Variants in EIF4E observed in about 807,000 individuals in gnomAD.
EIF4E encodes the protein eIF-4F 25 kDa subunit.
For missense variants in EIF4E, 113 were observed against 265.6 expected (o/e 0.43, Z 3.99); for synonymous variants, 71 against 88.5 (o/e 0.80, Z 1.11).
chr4:98,902,216 T>G (rs916183993), intron 1 of EIF4E, among the ~76,000 whole-genome samples: 1 of 152,110 alleles, frequency 6.6e-6, no homozygotes, highest in African/African-American at 2.4e-5. Context: ...GGATTACAGA[T>G]GTGTGCCACC....
intron 2 of EIF4E, among the ~76,000 whole-genome samples, chr4:98,898,301 G>C (rs1298440221): frequency 6.6e-6 from 1 of 152,132 alleles, no homozygotes; most frequent in African/African-American, 2.4e-5. Context: ...TGAAAATCCA[G>C]TTGACTTCTA....
chr4:98,882,489 A>G (rs182483005), intron 6 of EIF4E, among the ~76,000 whole-genome samples: 26 of 152,100 alleles, frequency 1.7e-4, no homozygotes, highest in African/African-American at 6.3e-4. Context: ...AAAGGAATAA[A>G]GATATTAATG....
chr4:98,911,691 A>G (rs1222165015), intron 1 of EIF4E, among the ~76,000 whole-genome samples: 1 of 146,812 alleles, frequency 6.8e-6, no homozygotes, highest in Non-Finnish European at 1.5e-5. Context: ...AAAAAAGAAG[A>G]CTTGTGGTCA....
At chr4:98,919,033 G>A (rs1432520480) in intron 1 of EIF4E, among the ~76,000 whole-genome samples, 2 of 152,132 alleles carry the variant, frequency 1.3e-5, no homozygotes, top group Non-Finnish European at 2.9e-5. Context: ...AAAAGCCTGG[G>A]TGTGGTGGCT....
In EIF4E at chr4:98,880,171, G is replaced by T. The variant is rs998300044; in HGVS notation, c.*857C>A. ...TTTTAACCAAAGCAAAATAACCTAAGTAATACAAAGTGTTAAAATACAGCA... is the reference window on the plus strand; with the variant it reads ...TTTTAACCAAAGCAAAATAACCTAATTAATACAAAGTGTTAAAATACAGCA... On this transcript the variant is annotated 3_prime_UTR_variant, in exon 7 of 7. Coordinates refer to ENST00000450253, the MANE Select transcript of EIF4E (RefSeq NM_001968.5). The T allele has an allele frequency of 9.3e-5, 14 of 151,350 alleles. No homozygotes were observed. Among genetic ancestry groups the T allele is most frequent in the African/African-American group, 2.9e-4 (12 of 41,018 alleles). 9.4% of individuals were successfully genotyped at this position (151,350 alleles called of 1,614,324 possible). A position where few individuals can be genotyped will look rare whatever the true frequency, so the allele number is the denominator to read the frequency against.
intron 5 of EIF4E, 56 bp from the exon 6 acceptor site, chr4:98,885,117 G>A (rs1283834456): frequency 6.4e-7 from 1 of 1,566,490 alleles, no homozygotes; most frequent in Non-Finnish European, 8.7e-7. Flanking sequence ...TCATTACACT[G>A]CAAATGTCTC....
chr4:98,888,445 C>G (rs1410169318), intron 3 of EIF4E, among the ~76,000 whole-genome samples: 1 of 152,074 alleles, frequency 6.6e-6, no homozygotes, highest in Non-Finnish European at 1.5e-5. Context: ...CAACGGTTCC[C>G]AAACACCACA....
rs1286288974 is a variant in EIF4E, at chr4:98,881,061, G to A, written c.621C>T (p.Ser207=). Residue 207 remains serine, a synonymous_variant, in exon 7 of 7, where the codon AGC becomes AGT. Transcript: ENST00000450253. ...YQSHADTATK[S]GSTTKNRFVV is the part of the protein sequence containing the mutation. ...CAAACCTATTTTTAGTGGTGGAGCCGCTCTTAGTAGCTGTGTCTGCGTGGG... is the reference window on the plus strand; with the variant it reads ...CAAACCTATTTTTAGTGGTGGAGCCACTCTTAGTAGCTGTGTCTGCGTGGG... 4.3e-6 allele frequency: 7 copies of A among 1,611,168 alleles called. No individual in the cohort carries two copies. The highest frequency in any genetic ancestry group is 1.7e-5 in the Admixed American group (1 of 59,738).
chr4:98,888,244 G>A (rs1162797252), intron 3 of EIF4E, among the ~76,000 whole-genome samples: 1 of 152,122 alleles, frequency 6.6e-6, no homozygotes, highest in Non-Finnish European at 1.5e-5. Flanking sequence ...ATAAGAAACT[G>A]AGAAGAGAGG....
intron 1 of EIF4E, among the ~76,000 whole-genome samples, chr4:98,924,103 A>C (rs1002515230): frequency 1.4e-4 from 21 of 147,770 alleles, no homozygotes; most frequent in Non-Finnish European, 2.4e-4. Flanking sequence ...TTTGAGACGG[A>C]GTCTCGCTCT....
At chr4:98,916,320 G>A (rs1725383400) in intron 1 of EIF4E, among the ~76,000 whole-genome samples, 2 of 150,490 alleles carry the variant, frequency 1.3e-5, no homozygotes, top group Admixed American at 6.6e-5. Context: ...AAGGAGGATG[G>A]GAGGGAGAAA....
chr4:98,902,750 A>G (rs908056761), intron 1 of EIF4E, among the ~76,000 whole-genome samples: 1 of 152,156 alleles, frequency 6.6e-6, no homozygotes, highest in Non-Finnish European at 1.5e-5. Context: ...AATCCCAGCT[A>G]CTCGGGAGAT....
At chr4:98,915,293 CGAA>C (rs1238532580) in intron 1 of EIF4E, among the ~76,000 whole-genome samples, 1 of 149,266 alleles carries the variant, frequency 6.7e-6, no homozygotes, top group African/African-American at 2.5e-5. Context: ...AGAAAAGGTA[CGAA>C]GAAGGATATG....
intron 6 of EIF4E, among the ~76,000 whole-genome samples, chr4:98,882,100 T>G (rs28575093): frequency 0.17 from 25,864 of 152,088 alleles, 2,638 homozygotes; most frequent in African/African-American, 0.29. Flanking sequence ...ATCTTAAAAA[T>G]TTGAATCTTT....
intron 1 of EIF4E, among the ~76,000 whole-genome samples, chr4:98,921,674 T>C (rs1206990146): frequency 2.6e-5 from 4 of 152,218 alleles, no homozygotes; most frequent in Non-Finnish European, 4.4e-5. Flanking sequence ...CATTTTAGCT[T>C]AAACTTTTTC....
In EIF4E at chr4:98,880,455, AGCAAAACAAAT is replaced by A. The variant is rs1723633621; in HGVS notation, c.*562_*572del. On this transcript the variant is annotated 3_prime_UTR_variant, in exon 7 of 7. Transcript: ENST00000450253. The stretch of plus-strand genomic sequence containing the variant: ...AATGTTACATGAGGAAAAAAACAAA[AGCAAAACAAAT>A]GAAAAACTGAAATCAGAATCACTAA... 1 of 83,572 alleles carries A rather than the reference AGCAAAACAAAT, an allele frequency of 1.2e-5. No homozygotes were observed. Among genetic ancestry groups the A allele is most frequent in the Non-Finnish European group, 2.4e-5 (1 of 42,486 alleles). The allele number at this position is 83,572 out of a possible 1,614,324, so 5.2% of individuals were successfully genotyped here.
chr4:98,886,457 T>C (rs1161813400), intron 5 of EIF4E: 8 of 445,912 alleles, frequency 1.8e-5, no homozygotes, highest in Admixed American at 9.6e-5. Context: ...CTCACACCTG[T>C]AATTCCAGCA....
intron 3 of EIF4E, among the ~76,000 whole-genome samples, chr4:98,888,273 A>G (rs1243931897): frequency 6.6e-6 from 1 of 152,212 alleles, no homozygotes; most frequent in Non-Finnish European, 1.5e-5. Context: ...GGCTTTAAGT[A>G]GATGAAATAA....
chr4:98,927,741 T>C (rs1181031633), intron 1 of EIF4E, among the ~76,000 whole-genome samples: 2 of 139,274 alleles, frequency 1.4e-5, no homozygotes, highest in Non-Finnish European at 1.6e-5. Context: ...CAAGCTACCA[T>C]GAAAAGATAC....
Sources: allele counts gnomAD v4.1 joint callset (sites outside exome capture counted in the v4.1 genomes callset), GRCh38; gene constraint gnomAD v4.1.1; transcripts MANE v1.5; gene names NCBI Gene and HGNC (gene_info 2026-07-23, HGNC 2026-07-21).